The following SOX5 variants were observed in gnomAD, a reference collection of about 807,000 sequenced individuals.
SOX5 encodes the protein SRY-box transcription factor 5.
SOX5 carries 9 observed loss-of-function variants against 92.0 expected under a neutral mutation model. That is an observed-to-expected ratio of 0.10 (90% CI 0.06 to 0.17). The LOEUF is 0.17. Ranked by LOEUF, SOX5 falls within the 10% of genes least tolerant of loss-of-function variation. SOX5 has a pLI of 1.00. For synonymous variants in SOX5, 344 were observed against 336.3 expected, an observed-to-expected ratio of 1.02 and a Z score of -0.25; for missense variants, 642 against 944.5, an observed-to-expected ratio of 0.68 and a Z score of 4.20.
intron 1 of SOX5, among the ~76,000 whole-genome samples, chr12:24,487,768 C>T (rs1225258894): frequency 1.3e-5 from 2 of 152,168 alleles, no homozygotes; most frequent in African/African-American, 4.8e-5. Context: ...ACCACAACTT[C>T]TGCCTGTTTT....
intron 1 of SOX5, among the ~76,000 whole-genome samples, chr12:24,450,293 TTTG>T (rs1179652647): frequency 6.6e-6 from 1 of 152,160 alleles, no homozygotes; most frequent in Non-Finnish European, 1.5e-5. Flanking sequence ...TAACTCAAAC[TTTG>T]TTGTTTTCCA....
At chr12:23,690,471 GATAA>G (rs1401956852) in intron 6 of SOX5, among the ~76,000 whole-genome samples, 1 of 152,164 alleles carries the variant, frequency 6.6e-6, no homozygotes, top group Non-Finnish European at 1.5e-5. Flanking sequence ...TTAACAAGTT[GATAA>G]ATATTTATTG....
At chr12:23,755,607 A>C (rs993563635) in intron 4 of SOX5, 31 bp downstream of exon 4, 1 of 1,480,110 alleles carries the variant, frequency 6.8e-7, no homozygotes, top group Non-Finnish European at 9.3e-7. Flanking sequence ...ATTTTGGTAC[A>C]TTTTGGATAA....
intron 3 of SOX5, among the ~76,000 whole-genome samples, chr12:23,763,360 C>A (rs1324946434): frequency 6.6e-6 from 1 of 152,054 alleles, no homozygotes; most frequent in Non-Finnish European, 1.5e-5. Flanking sequence ...AAAATAATTT[C>A]AAAAAATCAA....
intron 4 of SOX5, among the ~76,000 whole-genome samples, chr12:23,999,311 A>G (rs1951369148): frequency 6.6e-6 from 1 of 152,112 alleles, no homozygotes. Flanking sequence ...AGGGGGTTGA[A>G]AGAATTGAGG....
intron 4 of SOX5, among the ~76,000 whole-genome samples, chr12:24,191,769 A>G (rs1424671867): frequency 2.6e-5 from 4 of 152,176 alleles, no homozygotes; most frequent in Non-Finnish European, 5.9e-5. Flanking sequence ...GGATTAAAGT[A>G]TTTTGTTTGT....
chr12:23,781,304 A>C (rs1366603284), intron 3 of SOX5, among the ~76,000 whole-genome samples: 4 of 151,654 alleles, frequency 2.6e-5, no homozygotes, highest in Non-Finnish European at 5.9e-5. Flanking sequence ...TGGCCAACTA[A>C]CCACAGGACT....
intron 2 of SOX5, among the ~76,000 whole-genome samples, chr12:24,320,524 A>G (rs1950106672): frequency 6.6e-6 from 1 of 152,070 alleles, no homozygotes; most frequent in African/African-American, 2.4e-5. Context: ...AGCAGATTTA[A>G]TTTTTCTTTA....
At chr12:24,388,630 C>T (rs1958665499) in intron 1 of SOX5, among the ~76,000 whole-genome samples, 2 of 152,086 alleles carry the variant, frequency 1.3e-5, no homozygotes, top group South Asian at 4.1e-4. Context: ...TTATATAATA[C>T]AATTCACCCA....
In SOX5 at chr12:23,533,420, T is replaced by A. The variant is rs957137822; in HGVS notation, c.*799A>T. The stretch of plus-strand genomic sequence containing the variant: ...GGTTTTTCAAGGGATTGTCTAAGAT[T>A]TAACACTGTCCTAACTTAAGAAGGA... On this transcript the variant is annotated 3_prime_UTR_variant, in exon 15 of 15. Transcript: ENST00000451604. 3.8e-6 allele frequency: 1 copy of A among 262,234 alleles called. No individual in the cohort carries two copies. The highest frequency in any genetic ancestry group is 7.8e-6 in the Non-Finnish European group (1 of 127,670). The allele number at this position is 262,234 out of a possible 1,614,324, so 16.2% of individuals were successfully genotyped here.
At chr12:24,422,705 A>C (rs558030232) in intron 1 of SOX5, among the ~76,000 whole-genome samples, 1 of 152,364 alleles carries the variant, frequency 6.6e-6, no homozygotes, top group African/African-American at 2.4e-5. Flanking sequence ...GATTATAAAA[A>C]AGGTAACAAT....
At chr12:23,708,375 C>T (rs1411477438) in intron 6 of SOX5, among the ~76,000 whole-genome samples, 6 of 149,072 alleles carry the variant, frequency 4.0e-5, no homozygotes, top group South Asian at 4.2e-4. Flanking sequence ...AACAGAAGAA[C>T]GATTAAGTTT....
intron 7 of SOX5, among the ~76,000 whole-genome samples, chr12:23,646,102 G>C (rs1264506098): frequency 6.6e-6 from 1 of 152,178 alleles, no homozygotes; most frequent in East Asian, 1.9e-4. Flanking sequence ...TTGCCTTGAT[G>C]TTGATGGCTG....
At chr12:23,599,938 T>C (rs370298127) in intron 9 of SOX5, among the ~76,000 whole-genome samples, 4 of 152,300 alleles carry the variant, frequency 2.6e-5, no homozygotes, top group Non-Finnish European at 4.4e-5. Flanking sequence ...AAAGACTACA[T>C]GAAAGTATGT....
intron 2 of SOX5, among the ~76,000 whole-genome samples, chr12:23,866,846 C>T (rs944487298): frequency 6.6e-6 from 1 of 152,096 alleles, no homozygotes; most frequent in African/African-American, 2.4e-5. Context: ...TCTAATTTCC[C>T]TTTTGGGGAT....
chr12:23,977,758 T>G (rs1949077347), intron 4 of SOX5, among the ~76,000 whole-genome samples: 1 of 150,286 alleles, frequency 6.7e-6, no homozygotes, highest in Non-Finnish European at 1.5e-5. Flanking sequence ...CCCTTGTACC[T>G]AAGAAAAGAA....
intron 10 of SOX5, among the ~76,000 whole-genome samples, chr12:23,570,930 AATATATATATATATATATATAT>A (rs1164831816): frequency 0.063 from 1,253 of 19,894 alleles, 184 homozygotes; most frequent in South Asian, 0.14. Context: ...AAAAAAAAAA[AATATATATATATATATATATAT>A]ATATATATAT....
rs542731078 is a variant in SOX5 at position 24,510,035 on chromosome 12, T to C, written c.-251+52294A>G. ...CTGTATTAAGGGCTTCACAAACAGTTTTAAAAACAAATAAGAAACATGTCA... is the reference window on the plus strand; with the variant it reads ...CTGTATTAAGGGCTTCACAAACAGTCTTAAAAACAAATAAGAAACATGTCA... On this transcript the variant is annotated intron_variant, in intron 1 of 4. Transcript: ENST00000446891. Among the ~76,000 whole-genome samples the C allele has an allele frequency of 4.6e-5, 7 of 152,330 alleles. No homozygotes were observed. The South Asian group carries it at 1.4e-3, about 32-fold the overall frequency.
chr12:23,663,758 A>T (rs561035998), intron 7 of SOX5, among the ~76,000 whole-genome samples: 10 of 152,254 alleles, frequency 6.6e-5, no homozygotes, highest in African/African-American at 1.9e-4. Context: ...AAAAATCAGA[A>T]TTTAGTGTAG....
Sources: gnomAD v4.1 joint callset for allele counts (sites outside exome capture counted in the v4.1 genomes callset) on GRCh38, gnomAD v4.1.1 for gene constraint, MANE v1.5 for transcripts, NCBI Gene and HGNC (gene_info 2026-07-23, HGNC 2026-07-21) for gene names.